Variants in TENM3 observed in about 807,000 individuals in gnomAD.
The protein encoded by TENM3 is teneurin-3.
TENM3 carries 63 observed loss-of-function variants against 255.1 expected under a neutral mutation model. The ratio of observed to expected loss-of-function variants is 0.25; its 90% CI spans 0.20 to 0.30. The LOEUF (loss-of-function observed/expected upper bound fraction) is 0.30, where lower values mean the gene tolerates loss of function less well. TENM3 is among the 10% of genes least tolerant of loss of function. The pLI is 1.00. For missense variants in TENM3, 2,929 were observed against 3,461.1 expected (o/e 0.85, Z 3.86); for synonymous variants, 1,306 against 1,322.3 (o/e 0.99, Z 0.27).
At chr4:182,761,918 T>G (rs938022381) in intron 22 of TENM3, among the ~76,000 whole-genome samples, 1 of 152,202 alleles carries the variant, frequency 6.6e-6, no homozygotes. Flanking sequence ...AAAAAATGCA[T>G]AGGCAAGTTT....
chr4:181,889,036 C>T, the TENM3 span, among the ~76,000 whole-genome samples: 1 of 152,066 alleles, frequency 6.6e-6, no homozygotes, highest in African/African-American at 2.4e-5. Context: ...ACCAGCTACC[C>T]GGGCATCCCT....
At chr4:181,752,287 C>T in the TENM3 span, among the ~76,000 whole-genome samples, 2 of 152,252 alleles carry the variant, frequency 1.3e-5, no homozygotes, top group East Asian at 1.9e-4. Context: ...AGGTATCTTT[C>T]GCCTGTAATC....
the TENM3 span, among the ~76,000 whole-genome samples, chr4:181,639,511 G>A: frequency 3.3e-5 from 5 of 152,146 alleles, no homozygotes; most frequent in South Asian, 4.2e-4. Context: ...AGGCCGAGGC[G>A]GGTGGATCAC....
At chr4:181,754,449 G>T in the TENM3 span, among the ~76,000 whole-genome samples, 1 of 152,242 alleles carries the variant, frequency 6.6e-6, no homozygotes, top group African/African-American at 2.4e-5. Context: ...GTAAAGGAAA[G>T]AGACATATTT....
intron 12 of TENM3, among the ~76,000 whole-genome samples, chr4:182,690,275 T>A (rs1471955486): frequency 6.6e-6 from 1 of 152,250 alleles, no homozygotes; most frequent in Non-Finnish European, 1.5e-5. Context: ...CCCACTGATG[T>A]GGCTTTCCCC....
At chr4:181,620,428 T>C in the TENM3 span, among the ~76,000 whole-genome samples, 7 of 152,174 alleles carry the variant, frequency 4.6e-5, no homozygotes, top group African/African-American at 1.7e-4. Flanking sequence ...GCTCTCTTTA[T>C]ACACGTGTTT....
At chr4:181,547,969 C>A in the TENM3 span, among the ~76,000 whole-genome samples, 1 of 151,992 alleles carries the variant, frequency 6.6e-6, no homozygotes, top group Admixed American at 6.6e-5. Context: ...GTCCCCCCAC[C>A]CCACAACAGG....
At chr4:182,012,486 G>A in the TENM3 span, among the ~76,000 whole-genome samples, 1 of 152,192 alleles carries the variant, frequency 6.6e-6, no homozygotes, top group Admixed American at 6.5e-5. Flanking sequence ...CGCCGGAATT[G>A]TCTGACCTGC....
the TENM3 span, among the ~76,000 whole-genome samples, chr4:181,576,989 A>G: frequency 2.3e-5 from 3 of 129,864 alleles, no homozygotes; most frequent in African/African-American, 5.8e-5. Flanking sequence ...AATATTATAT[A>G]TATTATATAT....
chr4:181,701,636 C>G, the TENM3 span, among the ~76,000 whole-genome samples: 2 of 152,148 alleles, frequency 1.3e-5, no homozygotes, highest in South Asian at 2.1e-4. Flanking sequence ...ATGAAGTGCA[C>G]GAAACAAAAT....
chr4:182,390,855 A>G (rs1041779580), intron 3 of TENM3, among the ~76,000 whole-genome samples: 6 of 152,136 alleles, frequency 3.9e-5, no homozygotes, highest in African/African-American at 9.7e-5. Flanking sequence ...ACTTGATATG[A>G]TGATTACTGT....
chr4:182,564,836 A>C (rs11725566), intron 3 of TENM3, among the ~76,000 whole-genome samples: 1 of 152,098 alleles, frequency 6.6e-6, no homozygotes, highest in South Asian at 2.1e-4. Context: ...AGAAATGTCA[A>C]ATATTTCTAT....
At chr4:181,962,765 CT>C in the TENM3 span, among the ~76,000 whole-genome samples, 2 of 152,208 alleles carry the variant, frequency 1.3e-5, no homozygotes, top group African/African-American at 4.8e-5. Flanking sequence ...GTAAGAGACA[CT>C]TCATTCTTGC....
chr4:181,541,132 G>A, the TENM3 span, among the ~76,000 whole-genome samples: 6,696 of 152,260 alleles, frequency 0.044, 224 homozygotes, highest in South Asian at 0.15. Context: ...CCAACATTTT[G>A]GGAGGCTGAG....
chr4:181,714,846 A>G, the TENM3 span, among the ~76,000 whole-genome samples: 5 of 152,232 alleles, frequency 3.3e-5, no homozygotes, highest in African/African-American at 7.2e-5. Flanking sequence ...CAAATAAAAT[A>G]TATTTATTGC....
At chr4:182,526,588 GTC>G (rs1334981139) in intron 3 of TENM3, among the ~76,000 whole-genome samples, 1 of 152,126 alleles carries the variant, frequency 6.6e-6, no homozygotes, top group African/African-American at 2.4e-5. Context: ...TTTGTTTAGT[GTC>G]TGCAACCCTC....
Position 182,754,138 on chromosome 4 carries a change from CCTATTTG to C in TENM3, c.4018-238_4018-232del, listed in dbSNP as rs1463620127. Among the ~76,000 whole-genome samples the C allele has an allele frequency of 6.6e-6, 1 of 152,198 alleles. No homozygotes were observed. The highest frequency in any genetic ancestry group is 1.5e-5 in the Non-Finnish European group (1 of 68,040). On this transcript the variant is annotated intron_variant, in intron 21 of 27. Coordinates refer to ENST00000511685, the MANE Select transcript of TENM3 (RefSeq NM_001080477.4). This position sits in a 1 kb window ranked among gnomAD's most constrained non-coding sequence, Gnocchi z 5.1. ...TATCTGTTGACTCACTACGTAGAGG[CCTATTTG>C]CTATTTGCCTGTAACTAGCAAATCT...
At chr4:181,805,063 G>A in the TENM3 span, among the ~76,000 whole-genome samples, 1 of 152,108 alleles carries the variant, frequency 6.6e-6, no homozygotes, top group Admixed American at 6.5e-5. Context: ...GCCTAAAGCT[G>A]CACCTGCAGC....
At chr4:182,213,976 G>A (rs1192469287) in intron 1 of TENM3, among the ~76,000 whole-genome samples, 3 of 151,932 alleles carry the variant, frequency 2.0e-5, no homozygotes, top group Non-Finnish European at 4.4e-5. Flanking sequence ...TAATTTTTTT[G>A]TGTTTTAGTA....
Sources: gnomAD v4.1 joint callset for allele counts (sites outside exome capture counted in the v4.1 genomes callset) on GRCh38, gnomAD v4.1.1 for gene constraint, Gnocchi (gnomAD v3.1) non-coding constraint, MANE v1.5 for transcripts, NCBI Gene and HGNC (gene_info 2026-07-23, HGNC 2026-07-21) for gene names.